LEMD3: variants seen among roughly 807,000 people sequenced by gnomAD.
The protein encoded by LEMD3 is inner nuclear membrane protein Man1.
A neutral mutation model predicts 95.2 loss-of-function variants in LEMD3; 33 were observed. The ratio of observed to expected loss-of-function variants is 0.35; its 90% CI spans 0.26 to 0.46. The LOEUF is 0.46. LEMD3 is among the 20% of genes least tolerant of loss of function. The probability of loss-of-function intolerance (pLI) is 1.00; values close to 1 mark genes in which losing one functional copy is unlikely to be tolerated. For missense variants in LEMD3, 1,210 were observed against 1,192.8 expected (o/e 1.01, Z -0.21); for synonymous variants, 525 against 474.6 (o/e 1.11, Z -1.38).
intron 1 of LEMD3, among the ~76,000 whole-genome samples, chr12:65,180,543 G>A (rs1868870582): frequency 6.6e-6 from 1 of 151,936 alleles, no homozygotes; most frequent in Non-Finnish European, 1.5e-5. Flanking sequence ...AGTAACAGAG[G>A]TAATCTCTAA....
At chr12:65,182,286 A>T (rs1232310716) in intron 1 of LEMD3, among the ~76,000 whole-genome samples, 2 of 152,174 alleles carry the variant, frequency 1.3e-5, no homozygotes, top group South Asian at 4.1e-4. Context: ...AAATGAGGGT[A>T]TAGTAAAATC....
intron 1 of LEMD3, among the ~76,000 whole-genome samples, chr12:65,204,685 G>A (rs1869709414): frequency 6.6e-6 from 1 of 151,988 alleles, no homozygotes. Context: ...ATTCCTTTGG[G>A]TATATTCAGT....
At chr12:65,176,955 C>T (rs1329793362) in intron 1 of LEMD3, among the ~76,000 whole-genome samples, 1 of 152,108 alleles carries the variant, frequency 6.6e-6, no homozygotes, top group Admixed American at 6.5e-5. Context: ...TACTTAGTAT[C>T]TGGTAAGGAT....
rs1470962549 is a variant in LEMD3 at position 65,246,292 on chromosome 12, G to T, written c.2703G>T (p.Arg901=). 6.2e-7 allele frequency: 1 copy of T among 1,613,546 alleles called. No homozygotes were observed. The highest frequency in any genetic ancestry group is 1.1e-5 in the South Asian group (1 of 91,074). Residue 901 remains arginine (R), a synonymous_variant, in exon 13 of 13, where the codon CGG becomes CGT. Transcript: ENST00000308330. ...HMNSMSHLRL[R]TGLTNSQGSS The stretch of plus-strand genomic sequence containing the variant: ...ACTCCATGTCTCATCTTCGTCTTCG[G>T]ACTGGCCTAACCAATTCTCAAGGAA...
chr12:65,216,116 AT>A, intron 3 of LEMD3, 73 bp downstream of exon 3: 1 of 968,870 alleles, frequency 1.0e-6, no homozygotes, highest in Non-Finnish European at 1.7e-6. Context: ...AGTAGAAAAT[AT>A]TTTTCCAAGT....
At chr12:65,191,737 A>G (rs1869244866) in intron 1 of LEMD3, among the ~76,000 whole-genome samples, 1 of 151,908 alleles carries the variant, frequency 6.6e-6, no homozygotes, top group Non-Finnish European at 1.5e-5. Flanking sequence ...AAGCAGCCTG[A>G]CCAACATGGT....
At chr12:65,245,458 C>G (rs949531074) in intron 10 of LEMD3, 2 of 535,916 alleles carry the variant, frequency 3.7e-6, no homozygotes, top group African/African-American at 3.8e-5. Context: ...CACTCTTTTA[C>G]TGGAAAGTGG....
At position 65,169,775 on chromosome 12, in the gene LEMD3, G is replaced by A. The variant is rs1156512183; in HGVS notation, c.179G>A (p.Gly60Asp). 6.3e-6 allele frequency: 10 copies of A among 1,580,328 alleles called. No homozygotes were observed. Among genetic ancestry groups the A allele is most frequent in the South Asian group, 1.1e-5 (1 of 87,622 alleles). ...CAACAGCACCGGTCAGGGGGCCGCG[G>A]CAACAAGACGCGGAACAGTAATAAC... ...EQQQHRSGGR[G>D]NKTRNSNNNN... Residue 60 changes from glycine (G) to aspartate (D), a missense_variant, in exon 1 of 13, where the codon GGC (glycine) becomes GAC (aspartate). Physicochemically the swap from Gly to Asp is moderately conservative, Grantham distance 94. Coordinates refer to ENST00000308330, the MANE Select transcript of LEMD3 (RefSeq NM_014319.5).
intron 10 of LEMD3, among the ~76,000 whole-genome samples, chr12:65,244,185 CA>C (rs1021432918): frequency 6.6e-6 from 1 of 152,022 alleles, no homozygotes; most frequent in African/African-American, 2.4e-5. Flanking sequence ...TCTAATCACT[CA>C]TTGATGAAAT....
chr12:65,235,559 T>G (rs986854606), intron 4 of LEMD3, among the ~76,000 whole-genome samples: 20 of 152,176 alleles, frequency 1.3e-4, no homozygotes, highest in African/African-American at 3.9e-4. Context: ...AATACAGATT[T>G]TAAAAATACA....
At position 65,170,703 on chromosome 12, in the gene LEMD3, C is replaced by T; in HGVS notation, c.1107C>T (p.Pro369=). 1.9e-6 allele frequency: 3 copies of T among 1,614,210 alleles called. No individual in the cohort carries two copies. Among genetic ancestry groups the T allele is most frequent in the East Asian group, 2.2e-5 (1 of 44,882 alleles). The change falls in exon 1 of 13, where the codon CCC becomes CCT. Residue 369 remains proline, a synonymous_variant. Transcript: ENST00000308330. ...VNAKKLTPLL[P]PPLTDMDSTL... ...CTAAGAAACTGACCCCTCTCCTGCC[C>T]CCGCCACTTACTGACATGGACTCAA...
chr12:65,220,955 T>C (rs909195015), intron 4 of LEMD3, among the ~76,000 whole-genome samples: 3 of 152,244 alleles, frequency 2.0e-5, no homozygotes, highest in African/African-American at 7.2e-5. Flanking sequence ...AGTACTATAC[T>C]GTTTTGATTA....
intron 1 of LEMD3, among the ~76,000 whole-genome samples, chr12:65,173,604 A>G (rs528502073): frequency 2.6e-5 from 4 of 152,332 alleles, no homozygotes; most frequent in African/African-American, 9.6e-5. Flanking sequence ...GTCAGGTGAG[A>G]CAGTGTGTTA....
rs926239292 is a variant in LEMD3, at chr12:65,174,674, A to G, written c.1522+3556A>G. Among the ~76,000 whole-genome samples, 13 of 152,018 alleles carry G rather than the reference A, an allele frequency of 8.6e-5. 1 individual carries two copies. The highest frequency in any genetic ancestry group is 5.9e-4 in the Admixed American group (9 of 15,248). On this transcript the variant is annotated intron_variant, in intron 1 of 12. Transcript: ENST00000308330. ...TGTGTGTGTGTATGTGTGTGTGTAC[A>G]GATTTTCATTCAACAGCAGAGTGTC... is the stretch of plus-strand genomic sequence containing the variant.
At chr12:65,179,586 A>C (rs1868837256) in intron 1 of LEMD3, among the ~76,000 whole-genome samples, 1 of 152,188 alleles carries the variant, frequency 6.6e-6, no homozygotes, top group African/African-American at 2.4e-5. Flanking sequence ...TTTATTACTA[A>C]TGATATAATC....
chr12:65,205,138 C>T (rs1278274519), intron 1 of LEMD3, among the ~76,000 whole-genome samples: 2 of 152,062 alleles, frequency 1.3e-5, no homozygotes, highest in African/African-American at 4.8e-5. Flanking sequence ...ACTTATAAAA[C>T]CATCAGATCT....
intron 3 of LEMD3, among the ~76,000 whole-genome samples, chr12:65,216,747 A>G (rs1351169431): frequency 1.3e-5 from 2 of 152,168 alleles, no homozygotes; most frequent in Non-Finnish European, 2.9e-5. Flanking sequence ...TGTGTAAACC[A>G]GATTATTGGT....
chr12:65,209,119 A>C (rs747804889), intron 1 of LEMD3, among the ~76,000 whole-genome samples: 3 of 152,148 alleles, frequency 2.0e-5, no homozygotes, highest in Non-Finnish European at 4.4e-5. Flanking sequence ...CTATATATCT[A>C]GTACTATGCT....
rs372553791 is a variant in LEMD3 at position 65,170,556 on chromosome 12, C to G, written c.960C>G (p.Asp320Glu). 6.2e-7 allele frequency: 1 copy of G among 1,613,888 alleles called. No homozygotes were observed. The highest frequency in any genetic ancestry group is 8.5e-7 in the Non-Finnish European group (1 of 1,180,006). The change falls in exon 1 of 13, where the codon GAC becomes GAG. Residue 320 changes from aspartate to glutamate, a missense_variant. Coordinates refer to ENST00000308330, the MANE Select transcript of LEMD3 (RefSeq NM_014319.5). The part of the protein sequence containing the change: ...VQGGGGLAMN[D>E]RAAAAGSLDR... Reference sequence around the variant, plus strand: ...GAGGGGGAGGACTCGCGATGAATGACAGGGCGGCGGCTGCCGGGAGTCTAG... The same window carrying G: ...GAGGGGGAGGACTCGCGATGAATGAGAGGGCGGCGGCTGCCGGGAGTCTAG...
Sources: allele counts gnomAD v4.1 joint callset (sites outside exome capture counted in the v4.1 genomes callset), GRCh38; gene constraint gnomAD v4.1.1; transcripts MANE v1.5; gene names NCBI Gene and HGNC (gene_info 2026-07-23, HGNC 2026-07-21).